Variants in MAPKAPK3 observed in about 807,000 individuals in gnomAD.
The protein encoded by MAPKAPK3 is MAPK activated protein kinase 3, also known as MAP kinase-activated protein kinase 3.
Under a neutral mutation model 49.2 loss-of-function variants are expected in MAPKAPK3, and 35 were observed. The ratio of observed to expected loss-of-function variants is 0.71; its 90% CI spans 0.54 to 0.94. MAPKAPK3 has a LOEUF of 0.94. Ranked by LOEUF, MAPKAPK3 falls within the 40% of genes least tolerant of loss-of-function variation. The probability of loss-of-function intolerance (pLI) is 0.00; values close to 1 mark genes in which losing one functional copy is unlikely to be tolerated. For missense variants in MAPKAPK3, 398 were observed against 493.1 expected, an observed-to-expected ratio of 0.81 and a Z score of 1.83; for synonymous variants, 178 against 188.7, an observed-to-expected ratio of 0.94 and a Z score of 0.46.
intron 7 of MAPKAPK3, 134 bp downstream of exon 7, chr3:50,645,919 C>A: frequency 9.9e-7 from 1 of 1,007,180 alleles, no homozygotes; most frequent in Non-Finnish European, 1.5e-6. Context: ...TGCAGGCTGC[C>A]CTTCCCTTTT....
chr3:50,622,872 A>G (rs1476201323), intron 2 of MAPKAPK3, among the ~76,000 whole-genome samples: 1 of 152,218 alleles, frequency 6.6e-6, no homozygotes, highest in African/African-American at 2.4e-5. Context: ...TATAACCAGA[A>G]TGCCAAAAGG....
At chr3:50,638,528 G>A (rs1235809835) in intron 2 of MAPKAPK3, among the ~76,000 whole-genome samples, 1 of 152,210 alleles carries the variant, frequency 6.6e-6, no homozygotes, top group African/African-American at 2.4e-5. Flanking sequence ...CACACCCCCA[G>A]CCTGCTCTGG....
intron 2 of MAPKAPK3, among the ~76,000 whole-genome samples, chr3:50,633,273 A>T (rs1438455893): frequency 6.6e-6 from 1 of 152,122 alleles, no homozygotes; most frequent in Non-Finnish European, 1.5e-5. Context: ...GGACAGATGG[A>T]TAAATCCTGT....
At chr3:50,616,781 G>T (rs991021654), upstream of MAPKAPK3, among the ~76,000 whole-genome samples, 1 of 152,114 alleles carries the variant, frequency 6.6e-6, no homozygotes, top group African/African-American at 2.4e-5. Context: ...AGCCATACTG[G>T]AGGGCCACCT....
At chr3:50,632,444 G>C (rs1335436737) in intron 2 of MAPKAPK3, among the ~76,000 whole-genome samples, 1 of 152,176 alleles carries the variant, frequency 6.6e-6, no homozygotes, top group African/African-American at 2.4e-5. Flanking sequence ...CTTCTGTCTT[G>C]TTTTAGAATT....
chr3:50,611,826 A>G (rs2032337951), upstream of MAPKAPK3: 1 of 798,026 alleles, frequency 1.3e-6, no homozygotes, highest in Non-Finnish European at 1.8e-6. Context: ...GGGCCAGACG[A>G]GCGGGGCGGG....
At chr3:50,626,236 A>C (rs2032738162) in intron 2 of MAPKAPK3, among the ~76,000 whole-genome samples, 1 of 152,188 alleles carries the variant, frequency 6.6e-6, no homozygotes, top group Non-Finnish European at 1.5e-5. Context: ...TGAGGTATAG[A>C]CAGGGCTGAG....
chr3:50,644,254 G>T (rs921000493), intron 5 of MAPKAPK3, among the ~76,000 whole-genome samples, 155 bp from the exon 6 acceptor site: 6 of 152,154 alleles, frequency 3.9e-5, no homozygotes, highest in African/African-American at 1.2e-4. Flanking sequence ...TCTATATTTG[G>T]CCCATGTTAG....
intron 2 of MAPKAPK3, among the ~76,000 whole-genome samples, chr3:50,638,603 G>A (rs2033098297): frequency 6.6e-6 from 1 of 152,174 alleles, no homozygotes; most frequent in Non-Finnish European, 1.5e-5. Flanking sequence ...TGTATTCCTT[G>A]CACTGCCTGT....
At chr3:50,623,909 A>C (rs1313538155) in intron 2 of MAPKAPK3, among the ~76,000 whole-genome samples, 1 of 152,252 alleles carries the variant, frequency 6.6e-6, no homozygotes, top group African/African-American at 2.4e-5. Context: ...TGATGCTGCC[A>C]GTGTCTACCT....
At chr3:50,637,549 G>C (rs554617062) in intron 2 of MAPKAPK3, among the ~76,000 whole-genome samples, 1 of 151,408 alleles carries the variant, frequency 6.6e-6, no homozygotes, top group African/African-American at 2.4e-5. Context: ...GCAGAATGAC[G>C]TGAACCCGGG....
chr3:50,634,551 C>T (rs1029725515), intron 2 of MAPKAPK3, among the ~76,000 whole-genome samples: 2 of 151,496 alleles, frequency 1.3e-5, no homozygotes, highest in African/African-American at 4.9e-5. Context: ...TGCAATGATG[C>T]GATCTCGGCT....
At chr3:50,647,600 G>A (rs1288739774) in intron 10 of MAPKAPK3, among the ~76,000 whole-genome samples, 1 of 152,282 alleles carries the variant, frequency 6.6e-6, no homozygotes, top group Non-Finnish European at 1.5e-5. Context: ...ATTCTCTGCA[G>A]GTCTTGTGGT....
At chr3:50,617,872 A>G in intron 2 of MAPKAPK3, 88 bp downstream of exon 2, 1 of 1,018,016 alleles carries the variant, frequency 9.8e-7, no homozygotes, top group South Asian at 1.4e-5. Flanking sequence ...GCCCCTGCTA[A>G]GCTTCCTATG....
Position 50,648,229 on chromosome 3 carries a change from GC to G in MAPKAPK3, c.*186del. The G allele has an allele frequency of 1.5e-6, 1 of 645,380 alleles. No homozygotes were observed. Among genetic ancestry groups the G allele is most frequent in the Non-Finnish European group, 2.6e-6 (1 of 386,182 alleles). 40.0% of individuals were successfully genotyped at this position (645,380 alleles called of 1,614,324 possible). A position where few individuals can be genotyped will look rare whatever the true frequency, so the allele number is the denominator to read the frequency against. On this transcript the variant is annotated 3_prime_UTR_variant, in exon 11 of 11. Coordinates refer to ENST00000621469, the MANE Select transcript of MAPKAPK3 (RefSeq NM_001243925.2). ...ACCCTAAACCTCCTTCAGATCTCTG[GC>G]CCAGGCTCAAGCCCTAGAGATGGGC...
chr3:50,617,103 A>AGGGG (rs1190798096), upstream of MAPKAPK3: 1 of 6,692 alleles, frequency 1.5e-4, no homozygotes, highest in Admixed American at 6.5e-4. Flanking sequence ...GGAGTGGGGG[A>AGGGG]GGGGGGGGTG....
intron 2 of MAPKAPK3, among the ~76,000 whole-genome samples, chr3:50,629,135 C>A (rs1304760179): frequency 1.3e-5 from 2 of 152,150 alleles, no homozygotes; most frequent in East Asian, 3.9e-4. Flanking sequence ...TCTTCCCCTT[C>A]CTTATTGAGC....
chr3:50,613,452 TG>T (rs1039389324), upstream of MAPKAPK3, among the ~76,000 whole-genome samples: 85 of 152,302 alleles, frequency 5.6e-4, no homozygotes, highest in African/African-American at 2.0e-3. Flanking sequence ...TTTCTTGGAA[TG>T]GGGGTAGGGG....
intron 3 of MAPKAPK3, among the ~76,000 whole-genome samples, 156 bp downstream of exon 3, chr3:50,640,661 G>A (rs2033159291): frequency 6.6e-6 from 1 of 152,228 alleles, no homozygotes; most frequent in African/African-American, 2.4e-5. Flanking sequence ...CGCAGGCCCT[G>A]CCTGTGGATC....
Sources: gnomAD v4.1 joint callset for allele counts (sites outside exome capture counted in the v4.1 genomes callset) on GRCh38, gnomAD v4.1.1 for gene constraint, MANE v1.5 for transcripts, NCBI Gene and HGNC (gene_info 2026-07-23, HGNC 2026-07-21) for gene names.